TTC34: variants seen among roughly 807,000 people sequenced by gnomAD.
TTC34 encodes tetratricopeptide repeat domain 34.
In TTC34, 44 loss-of-function variants were observed where a neutral mutation model predicts 40.7. That is an observed-to-expected ratio of 1.08 (90% CI 0.85 to 1.39). TTC34 has a LOEUF of 1.39. TTC34 is among the 40% of genes most tolerant of loss of function. TTC34 has a pLI of 0.00. For synonymous variants in TTC34, 422 were observed against 398.6 expected, an observed-to-expected ratio of 1.06 and a Z score of -0.70; for missense variants, 884 against 838.0, an observed-to-expected ratio of 1.05 and a Z score of -0.68.
chr1:2,643,569 T>C (rs1259113082), intron 8 of TTC34, among the ~76,000 whole-genome samples: 1 of 151,860 alleles, frequency 6.6e-6, no homozygotes, highest in Non-Finnish European at 1.5e-5. Context: ...CCAGTCCCTC[T>C]GGGAGCTCTG....
chr1:2,694,893 C>G (rs1293036092), intron 6 of TTC34, among the ~76,000 whole-genome samples: 1 of 127,596 alleles, frequency 7.8e-6, no homozygotes, highest in Non-Finnish European at 1.7e-5. Flanking sequence ...CATCCGACAG[C>G]CTGGAACAGC....
In TTC34 at chr1:2,641,767, C is replaced by T. The variant is rs1481265695; in HGVS notation, c.2841G>A (p.Leu947=). Residue 947 remains leucine, a synonymous_variant, in exon 9 of 9, where the codon CTG becomes CTA. Transcript: ENST00000401095. Reference sequence around the variant, plus strand: ...CCCGGCCAAACTCCTGCAACTCGGCCAGGCAGGTGGCCCGCAGACGCAGGT... The same window carrying T: ...CCCGGCCAAACTCCTGCAACTCGGCTAGGCAGGTGGCCCGCAGACGCAGGT... The T allele has an allele frequency of 2.0e-6, 3 of 1,535,266 alleles. No individual in the cohort carries two copies. In the South Asian group the frequency reaches 3.6e-5, roughly 18 times the overall value.
intron 6 of TTC34, among the ~76,000 whole-genome samples, chr1:2,779,072 A>G (rs1157488795): frequency 6.6e-6 from 1 of 152,170 alleles, no homozygotes; most frequent in Admixed American, 6.5e-5. Flanking sequence ...CTTGAGGTTC[A>G]TCCATGTTGT....
intron 6 of TTC34, among the ~76,000 whole-genome samples, chr1:2,759,875 C>CG (rs1641637020): frequency 1.4e-4 from 9 of 64,030 alleles, no homozygotes; most frequent in African/African-American, 5.4e-4. Context: ...GAGTAGTATC[C>CG]TGCACCCTCA....
At chr1:2,684,554 C>G (rs1009504068) in intron 6 of TTC34, among the ~76,000 whole-genome samples, 2 of 140,012 alleles carry the variant, frequency 1.4e-5, no homozygotes, top group Non-Finnish European at 3.0e-5. Flanking sequence ...ACAGCTCCCA[C>G]AACCCCAGGT....
At chr1:2,752,866 C>T in intron 6 of TTC34, among the ~76,000 whole-genome samples, 1 of 151,394 alleles carries the variant, frequency 6.6e-6, no homozygotes, top group Non-Finnish European at 1.5e-5. Context: ...CCCAGGCGAG[C>T]ATCTGATGGC....
At chr1:2,788,691 G>A (rs1189633749) in intron 3 of TTC34, among the ~76,000 whole-genome samples, 3 of 152,202 alleles carry the variant, frequency 2.0e-5, no homozygotes, top group Non-Finnish European at 2.9e-5. Context: ...AGCTCCTGAA[G>A]TCAAGGATCC....
rs965920436 is a variant in TTC34, at chr1:2,785,822, C to T, written c.2056G>A (p.Ala686Thr). 5.2e-5 allele frequency: 80 copies of T among 1,543,540 alleles called. No individual in the cohort carries two copies. The highest frequency in any genetic ancestry group is 3.3e-4 in the African/African-American group (24 of 72,752). ...GGGGCAGGTGGGCAGCTCCTACCTGCGGCAAAGATGGCCAGAGACAGGTAG... is the reference window on the plus strand; with the variant it reads ...GGGGCAGGTGGGCAGCTCCTACCTGTGGCAAAGATGGCCAGAGACAGGTAG... The change falls in exon 5 of 9, where the codon GCA (alanine) becomes ACA (threonine). Residue 686 changes from alanine to threonine, a missense_variant. Ala to Thr is a moderately conservative substitution (Grantham distance 58). Coordinates refer to ENST00000401095, the Ensembl canonical transcript of TTC34.
chr1:2,781,856 A>G (rs539384169), intron 6 of TTC34, among the ~76,000 whole-genome samples: 1 of 152,352 alleles, frequency 6.6e-6, no homozygotes, highest in South Asian at 2.1e-4. Flanking sequence ...GCATTCTAGC[A>G]ATAAATCTCA....
At chr1:2,782,637 C>T (rs1643503981) in intron 6 of TTC34, among the ~76,000 whole-genome samples, 1 of 152,156 alleles carries the variant, frequency 6.6e-6, no homozygotes, top group Admixed American at 6.5e-5. Flanking sequence ...ACATTTCCCC[C>T]TCAGGATTGC....
At chr1:2,784,051 G>T (rs1200035606) in intron 5 of TTC34, among the ~76,000 whole-genome samples, 2 of 152,152 alleles carry the variant, frequency 1.3e-5, no homozygotes, top group African/African-American at 4.8e-5. Context: ...AGGGCAGGGG[G>T]ATCAGGGTAG....
intron 6 of TTC34, among the ~76,000 whole-genome samples, chr1:2,677,641 GCA>G (rs1639958304): frequency 9.5e-6 from 1 of 105,630 alleles, no homozygotes; most frequent in African/African-American, 3.8e-5. Context: ...GCCTGGAACA[GCA>G]CACACACCCC....
chr1:2,651,783 C>G (rs1320236722), intron 6 of TTC34, among the ~76,000 whole-genome samples: 1 of 152,028 alleles, frequency 6.6e-6, no homozygotes, highest in African/African-American at 2.4e-5. Flanking sequence ...GAGCATCTGA[C>G]AGCCGGAAAA....
chr1:2,789,988 C>T (rs1435970711), exon 3 of TTC34: 1 of 393,000 alleles, frequency 2.5e-6, no homozygotes, highest in African/African-American at 2.1e-5. Context: ...CTGCCAGCAG[C>T]AGGCACTCGG....
chr1:2,692,986 A>C (rs1265188314), intron 6 of TTC34, among the ~76,000 whole-genome samples: 22 of 24,926 alleles, frequency 8.8e-4, no homozygotes, highest in Non-Finnish European at 1.1e-3. Flanking sequence ...GCACCCACAG[A>C]CCAAGGTGAG....
At chr1:2,794,780 T>A (rs1175762354) in intron 2 of TTC34, among the ~76,000 whole-genome samples, 1 of 152,202 alleles carries the variant, frequency 6.6e-6, no homozygotes, top group Non-Finnish European at 1.5e-5. Flanking sequence ...TTCTTCTGTT[T>A]CTTGATTGTT....
intron 6 of TTC34, among the ~76,000 whole-genome samples, chr1:2,687,676 A>G (rs1570818535): frequency 6.6e-6 from 1 of 151,162 alleles, no homozygotes; most frequent in Admixed American, 6.6e-5. Context: ...AGGCTGGAGC[A>G]GCACGCACAC....
intron 6 of TTC34, among the ~76,000 whole-genome samples, chr1:2,752,776 C>T (rs1293942659): frequency 6.3e-5 from 8 of 127,510 alleles, no homozygotes; most frequent in Non-Finnish European, 1.2e-4. Flanking sequence ...ACCCATACGC[C>T]CAGATAAGCA....
exon 9 of TTC34, chr1:2,639,998 G>A (rs1638869193): frequency 6.6e-6 from 1 of 152,370 alleles, no homozygotes; most frequent in African/African-American, 2.4e-5. Flanking sequence ...CTGACCCCCT[G>A]GACTGGGGTT....
Sources: gnomAD v4.1 joint callset for allele counts (sites outside exome capture counted in the v4.1 genomes callset) on GRCh38, gnomAD v4.1.1 for gene constraint, MANE v1.5 for transcripts, NCBI Gene and HGNC (gene_info 2026-07-23, HGNC 2026-07-21) for gene names.